Variants in RGS9 observed in about 807,000 individuals in gnomAD.
RGS9 encodes regulator of G-protein signalling 9.
Under a neutral mutation model 102.0 loss-of-function variants are expected in RGS9, and 78 were observed. That is an observed-to-expected ratio of 0.76 (90% CI 0.64 to 0.92). The LOEUF (loss-of-function observed/expected upper bound fraction) is 0.92. RGS9 is among the 40% of genes least tolerant of loss of function. The pLI, the probability that RGS9 is intolerant of heterozygous loss-of-function variation, is 0.00. For synonymous variants in RGS9, 353 were observed against 318.6 expected (o/e 1.11, Z -1.15); for missense variants, 833 against 866.1 (o/e 0.96, Z 0.48).
intron 8 of RGS9, among the ~76,000 whole-genome samples, chr17:65,170,460 CAA>C (rs986350282): frequency 3.3e-4 from 50 of 152,278 alleles, no homozygotes; most frequent in African/African-American, 1.2e-3. Flanking sequence ...CTAATTTGCC[CAA>C]AGTTACACAG....
intron 18 of RGS9, among the ~76,000 whole-genome samples, chr17:65,226,135 G>A (rs574736629): frequency 6.6e-6 from 1 of 152,364 alleles, no homozygotes; most frequent in South Asian, 2.1e-4. Flanking sequence ...AGACAGGCCA[G>A]AGGGGGCAGA....
At chr17:65,185,868 G>T (rs866925561) in intron 9 of RGS9, among the ~76,000 whole-genome samples, 24 of 152,324 alleles carry the variant, frequency 1.6e-4, no homozygotes, top group African/African-American at 5.8e-4. Context: ...AAATGAGCAT[G>T]GCAGAAAGTC....
intron 7 of RGS9, among the ~76,000 whole-genome samples, chr17:65,167,775 A>G (rs1296933164): frequency 1.3e-5 from 2 of 152,042 alleles, no homozygotes; most frequent in African/African-American, 4.8e-5. Flanking sequence ...AAGTTGGTGG[A>G]GTTGGTTTGA....
chr17:65,167,192 C>A (rs572540635), intron 7 of RGS9, among the ~76,000 whole-genome samples: 2 of 152,142 alleles, frequency 1.3e-5, no homozygotes, highest in East Asian at 3.9e-4. Context: ...AAATAAACAG[C>A]CCTTTTTTAT....
At chr17:65,159,756 G>T (rs569512724) in intron 3 of RGS9, among the ~76,000 whole-genome samples, 2 of 152,278 alleles carry the variant, frequency 1.3e-5, no homozygotes, top group African/African-American at 4.8e-5. Flanking sequence ...GAAGGGTCTG[G>T]ACCCGAGATG....
chr17:65,199,109 C>A (rs909054623), intron 13 of RGS9, among the ~76,000 whole-genome samples: 1 of 152,196 alleles, frequency 6.6e-6, no homozygotes, highest in Admixed American at 6.5e-5. Flanking sequence ...GCAGATAAAT[C>A]ATCAATTTGC....
chr17:65,214,432 T>G (rs1043332096), intron 17 of RGS9, among the ~76,000 whole-genome samples: 1 of 152,168 alleles, frequency 6.6e-6, no homozygotes, highest in Non-Finnish European at 1.5e-5. Context: ...TGATCAAGGA[T>G]GATGATTGTT....
intron 15 of RGS9, among the ~76,000 whole-genome samples, chr17:65,207,022 G>A (rs1913088666): frequency 6.6e-6 from 1 of 152,222 alleles, no homozygotes; most frequent in African/African-American, 2.4e-5. Flanking sequence ...TATTGGGTAT[G>A]ACTAGAGTTT....
intron 1 of RGS9, among the ~76,000 whole-genome samples, chr17:65,149,366 G>A (rs1910494500): frequency 6.6e-6 from 1 of 152,198 alleles, no homozygotes; most frequent in African/African-American, 2.4e-5. Flanking sequence ...TTGGAGCAGA[G>A]ATGTGAAACT....
intron 6 of RGS9, among the ~76,000 whole-genome samples, 157 bp downstream of exon 6, chr17:65,161,066 C>T (rs1374548136): frequency 2.0e-5 from 3 of 152,220 alleles, no homozygotes; most frequent in African/African-American, 7.2e-5. Context: ...TAATTAGAAG[C>T]AGCTAGCTGA....
intron 13 of RGS9, among the ~76,000 whole-genome samples, chr17:65,197,903 T>A (rs1376183047): frequency 6.6e-6 from 1 of 152,156 alleles, no homozygotes; most frequent in Non-Finnish European, 1.5e-5. Flanking sequence ...ACTCCTGACC[T>A]CAGGTGATCT....
intron 17 of RGS9, among the ~76,000 whole-genome samples, chr17:65,217,252 G>A (rs767884288): frequency 3.9e-5 from 6 of 152,226 alleles, no homozygotes; most frequent in South Asian, 2.1e-4. Context: ...GCTCTGCTGA[G>A]GTGGATCAGA....
intron 6 of RGS9, among the ~76,000 whole-genome samples, chr17:65,162,252 G>A (rs1911013992): frequency 2.6e-5 from 4 of 151,942 alleles, no homozygotes. Context: ...TTAGCCAGGT[G>A]TGGTGGCATG....
intron 1 of RGS9, among the ~76,000 whole-genome samples, chr17:65,150,065 T>C (rs1425231862): frequency 6.6e-6 from 1 of 152,140 alleles, no homozygotes; most frequent in East Asian, 1.9e-4. Flanking sequence ...AGCAGGTAAA[T>C]GGATGAGATG....
intron 2 of RGS9, among the ~76,000 whole-genome samples, chr17:65,154,058 G>A (rs770108284): frequency 1.3e-5 from 2 of 152,168 alleles, no homozygotes; most frequent in Non-Finnish European, 2.9e-5. Context: ...TACAATCCCA[G>A]CACTTTGGGA....
At chr17:65,224,904 C>A (rs767638999) in intron 17 of RGS9, 98 bp from the exon 18 acceptor site, 6 of 1,528,604 alleles carry the variant, frequency 3.9e-6, no homozygotes, top group Non-Finnish European at 4.5e-6. Context: ...GCACTCTTGT[C>A]GCTGGAAGGG....
At chr17:65,171,871 T>C (rs1598583435) in intron 8 of RGS9, among the ~76,000 whole-genome samples, 1 of 152,256 alleles carries the variant, frequency 6.6e-6, no homozygotes, top group East Asian at 1.9e-4. Flanking sequence ...AAGTGCTCCC[T>C]TAGACAGGCA....
At chr17:65,224,713 A>G (rs1270232141) in intron 17 of RGS9, among the ~76,000 whole-genome samples, 1 of 152,168 alleles carries the variant, frequency 6.6e-6, no homozygotes, top group Non-Finnish European at 1.5e-5. Flanking sequence ...ATACTCCAGC[A>G]TCCTTGGCCT....
At position 65,202,023 on chromosome 17, in the gene RGS9, AG is replaced by A; in HGVS notation, c.1009del (p.Asp337IlefsTer2). On this transcript the variant is annotated frameshift_variant, in exon 14 of 19. Transcript: ENST00000262406. LOFTEE classifies it high-confidence loss of function. ...GENLGFWEAC[E>X]DLKYGDQSKV... ...AATCTGGGATTCTGGGAAGCCTGCG[AG>A]GATCTGAAGTATGGAGATCAGTCCA... The A allele has an allele frequency of 6.2e-7, 1 of 1,613,742 alleles. No homozygotes were observed. Among genetic ancestry groups the A allele is most frequent in the East Asian group, 2.2e-5 (1 of 44,872 alleles).
Sources: gnomAD v4.1 joint callset for allele counts (sites outside exome capture counted in the v4.1 genomes callset) on GRCh38, gnomAD v4.1.1 for gene constraint, MANE v1.5 for transcripts, NCBI Gene and HGNC (gene_info 2026-07-23, HGNC 2026-07-21) for gene names.